PPP2R5A: variants seen among roughly 807,000 people sequenced by gnomAD.
The protein encoded by PPP2R5A is serine/threonine-protein phosphatase 2A 56 kDa regulatory subunit alpha isoform.
Under a neutral mutation model 64.2 loss-of-function variants are expected in PPP2R5A, and 25 were observed. The observed-to-expected ratio is 0.39, with a 90% CI of 0.28 to 0.54. The LOEUF (loss-of-function observed/expected upper bound fraction) is 0.54, where lower values mean the gene tolerates loss of function less well. Ranked by LOEUF, PPP2R5A falls within the 20% of genes least tolerant of loss-of-function variation. The pLI is 0.67. For missense variants in PPP2R5A, 425 were observed against 576.3 expected (o/e 0.74, Z 2.69); for synonymous variants, 198 against 201.2 (o/e 0.98, Z 0.13).
chr1:212,336,486 C>A (rs1659596215), intron 3 of PPP2R5A, among the ~76,000 whole-genome samples: 1 of 152,138 alleles, frequency 6.6e-6, no homozygotes, highest in Non-Finnish European at 1.5e-5. Context: ...TCTCATTCAT[C>A]TATGGTCCCT....
intron 1 of PPP2R5A, chr1:212,301,716 C>CT (rs1658802356): frequency 2.8e-6 from 2 of 712,390 alleles, no homozygotes; most frequent in East Asian, 1.2e-4. Flanking sequence ...CCAAAAAAAG[C>CT]TACATGTCCT....
intron 1 of PPP2R5A, among the ~76,000 whole-genome samples, chr1:212,290,497 C>G (rs1658580398): frequency 6.6e-6 from 1 of 152,172 alleles, no homozygotes; most frequent in Non-Finnish European, 1.5e-5. Flanking sequence ...TCTGAGATAT[C>G]TCTTCTGGAA....
At chr1:212,355,412 CAATTTT>C (rs2102449742) in intron 8 of PPP2R5A, among the ~76,000 whole-genome samples, 1 of 152,136 alleles carries the variant, frequency 6.6e-6, no homozygotes, top group African/African-American at 2.4e-5. Context: ...GTATCCTTCC[CAATTTT>C]AATTTGAATT....
chr1:212,309,164 T>G (rs200779443), intron 1 of PPP2R5A: 17 of 1,281,762 alleles, frequency 1.3e-5, no homozygotes, highest in Non-Finnish European at 1.8e-5. Flanking sequence ...GCCACATTGG[T>G]GTCATAGAGC....
intron 8 of PPP2R5A, among the ~76,000 whole-genome samples, chr1:212,349,449 A>G (rs781266129): frequency 5.9e-5 from 9 of 152,144 alleles, no homozygotes; most frequent in Admixed American, 4.6e-4. Flanking sequence ...TAACCGAAAT[A>G]TAGACTACTA....
Position 212,356,649 on chromosome 1 carries a change from T to C in PPP2R5A, c.951T>C (p.Phe317=). The C allele has an allele frequency of 6.2e-7, 1 of 1,612,876 alleles. No homozygotes were observed. The part of the protein sequence containing the change: ...TEPVIRGLLK[F]WPKTCSQKEV... ...AGGTGATCAGAGGACTGCTGAAATT[T>C]TGGCCAAAAACCTGCAGTCAGAAAG... The change falls in exon 9 of 13, where the codon TTT becomes TTC. Residue 317 remains phenylalanine, a synonymous_variant. Coordinates refer to ENST00000261461, the MANE Select transcript of PPP2R5A (RefSeq NM_006243.4).
rs765582793 is a variant in PPP2R5A at position 212,345,839 on chromosome 1, C to T, written c.610C>T (p.Arg204Cys). ...TTTTGATAGTGAAGATCCCAGAGAA[C>T]GTGACTTCCTGAAGACTGTTCTGCA... ...ELFDSEDPRE[R>C]DFLKTVLHRI... Residue 204 changes from arginine (R) to cysteine (C), a missense_variant, in exon 5 of 13, where the codon CGT becomes TGT. By Grantham distance (180) the Arg-to-Cys change is radical. Transcript: ENST00000261461. 3 of 1,609,600 alleles carry T rather than the reference C, an allele frequency of 1.9e-6. No individual in the cohort carries two copies. Among genetic ancestry groups the T allele is most frequent in the South Asian group, 1.1e-5 (1 of 89,988 alleles).
chr1:212,292,307 A>G (rs973851024), intron 1 of PPP2R5A, among the ~76,000 whole-genome samples: 2 of 152,106 alleles, frequency 1.3e-5, no homozygotes, highest in African/African-American at 2.4e-5. Flanking sequence ...GTGGCTTTTC[A>G]GTTGTTATGT....
intron 1 of PPP2R5A, among the ~76,000 whole-genome samples, chr1:212,322,223 A>AGAGGGAGTGGGAGAGGGAGAG (rs1659315198): frequency 1.4e-5 from 1 of 71,090 alleles, no homozygotes; most frequent in Admixed American, 1.6e-4. Flanking sequence ...GACTGTGGGG[A>AGAGGGAGTGGGAGAGGGAGAG]GAGGGAGAGG....
intron 8 of PPP2R5A, among the ~76,000 whole-genome samples, chr1:212,350,557 G>A (rs1659857491): frequency 6.6e-6 from 1 of 151,794 alleles, no homozygotes; most frequent in Non-Finnish European, 1.5e-5. Context: ...AGATGGCAAG[G>A]GCACAAGAAT....
At chr1:212,324,771 A>AT (rs1012664195) in intron 1 of PPP2R5A, among the ~76,000 whole-genome samples, 2 of 151,944 alleles carry the variant, frequency 1.3e-5, no homozygotes, top group African/African-American at 2.4e-5. Context: ...TGCCCGGCTA[A>AT]TTTTTTGTTA....
chr1:212,330,257 C>T (rs1659480315), intron 2 of PPP2R5A, among the ~76,000 whole-genome samples: 1 of 152,044 alleles, frequency 6.6e-6, no homozygotes, highest in Non-Finnish European at 1.5e-5. Context: ...AGTGCAGTGG[C>T]TCGCTTATGC....
chr1:212,295,160 G>T (rs923074815), intron 1 of PPP2R5A, among the ~76,000 whole-genome samples: 2 of 152,136 alleles, frequency 1.3e-5, no homozygotes, highest in African/African-American at 4.8e-5. Context: ...CATGAAGAAC[G>T]TATTGGGAAA....
At chr1:212,324,672 T>G (rs987683037) in intron 1 of PPP2R5A, among the ~76,000 whole-genome samples, 4 of 151,918 alleles carry the variant, frequency 2.6e-5, no homozygotes, top group African/African-American at 7.3e-5. Flanking sequence ...TGGCACAATC[T>G]GGGCTCACTG....
Position 212,342,030 on chromosome 1 carries a change from T to A in PPP2R5A, c.481-158T>A, listed in dbSNP as rs118008806. On this transcript the variant is annotated intron_variant, in intron 3 of 12. Coordinates refer to ENST00000261461, the MANE Select transcript of PPP2R5A (RefSeq NM_006243.4). ...TGTTGGGAGTACAGGTGTGAATTTT[T>A]AAAAAAAATTTTTTTTATCAACTCA... Among the ~76,000 whole-genome samples the A allele has an allele frequency of 1.3e-3, 191 of 152,228 alleles. 4 individuals carry two copies. In the East Asian group the frequency reaches 0.031, roughly 24 times the overall value.
At chr1:212,321,519 T>C (rs1387888539) in intron 1 of PPP2R5A, among the ~76,000 whole-genome samples, 7 of 135,476 alleles carry the variant, frequency 5.2e-5, no homozygotes, top group Admixed American at 5.1e-4. Context: ...GACGGGGCGG[T>C]TGCCAGGCAG....
intron 1 of PPP2R5A, chr1:212,309,646 CCTT>C (rs1423409042): frequency 3.9e-6 from 2 of 516,304 alleles, no homozygotes; most frequent in Non-Finnish European, 6.9e-6. Context: ...GGTTCTACAA[CCTT>C]CTTTTTTTCT....
At chr1:212,292,325 C>T (rs554727351) in intron 1 of PPP2R5A, among the ~76,000 whole-genome samples, 25 of 152,176 alleles carry the variant, frequency 1.6e-4, no homozygotes, top group Non-Finnish European at 3.5e-4. Flanking sequence ...TGTTGTGATG[C>T]TCTCTCTCCA....
At chr1:212,321,232 G>C (rs1394071265) in intron 1 of PPP2R5A, among the ~76,000 whole-genome samples, 1 of 145,970 alleles carries the variant, frequency 6.9e-6, no homozygotes, top group African/African-American at 2.6e-5. Flanking sequence ...CGGCTGGCCG[G>C]GCAGAGGGGC....
Sources: allele counts gnomAD v4.1 joint callset (sites outside exome capture counted in the v4.1 genomes callset), GRCh38; gene constraint gnomAD v4.1.1; transcripts MANE v1.5; gene names NCBI Gene and HGNC (gene_info 2026-07-23, HGNC 2026-07-21).